Variants in DOCK10 observed in about 807,000 individuals in gnomAD.
DOCK10 encodes the protein dedicator of cytokinesis 10.
In DOCK10, 145 loss-of-function variants were observed where a neutral mutation model predicts 280.1. That is an observed-to-expected ratio of 0.52 (90% CI 0.45 to 0.59). The LOEUF is 0.59. Among genes scored for constraint, DOCK10 ranks in the 20% least tolerant of loss-of-function variants. The pLI is 0.00. For synonymous variants in DOCK10, 915 were observed against 942.2 expected (o/e 0.97, Z 0.53); for missense variants, 2,368 against 2,651.7 (o/e 0.89, Z 2.35).
chr2:224,952,440 A>G (rs1703789852), intron 1 of DOCK10, among the ~76,000 whole-genome samples: 1 of 152,186 alleles, frequency 6.6e-6, no homozygotes, highest in Admixed American at 6.5e-5. Flanking sequence ...GCAGTGAAAT[A>G]CAGGTGAGAA....
At chr2:224,771,146 C>A (rs1690416375) in intron 53 of DOCK10, among the ~76,000 whole-genome samples, 1 of 152,064 alleles carries the variant, frequency 6.6e-6, no homozygotes, top group Admixed American at 6.6e-5. Flanking sequence ...GGCGGTCTCA[C>A]TACATTGTCC....
chr2:225,007,552 G>C (rs1689309658), intron 1 of DOCK10, among the ~76,000 whole-genome samples: 1 of 152,192 alleles, frequency 6.6e-6, no homozygotes, highest in South Asian at 2.1e-4. Context: ...TGATTTAACA[G>C]TGCATTTGTG....
chr2:224,981,840 A>G (rs1705761651), intron 1 of DOCK10, among the ~76,000 whole-genome samples: 1 of 152,216 alleles, frequency 6.6e-6, no homozygotes, highest in Non-Finnish European at 1.5e-5. Flanking sequence ...ATTTTTAAAA[A>G]ACGCCCATTT....
At chr2:224,960,754 T>TC (rs1704320715) in intron 1 of DOCK10, among the ~76,000 whole-genome samples, 1 of 145,138 alleles carries the variant, frequency 6.9e-6, no homozygotes, top group Non-Finnish European at 1.5e-5. Flanking sequence ...TTTTTTTTTT[T>TC]TTTGAGATGG....
chr2:224,969,020 G>A (rs1704931310), intron 1 of DOCK10, among the ~76,000 whole-genome samples: 1 of 152,228 alleles, frequency 6.6e-6, no homozygotes, highest in Non-Finnish European at 1.5e-5. Context: ...GAGGGCTGCA[G>A]AGAGGCACAG....
chr2:224,957,698 C>T (rs913981932), intron 1 of DOCK10, among the ~76,000 whole-genome samples: 2 of 152,148 alleles, frequency 1.3e-5, no homozygotes, highest in African/African-American at 4.8e-5. Context: ...CTTGGAAGAA[C>T]CTCAGACCTA....
intron 45 of DOCK10, 79 bp from the exon 46 acceptor site, chr2:224,793,536 T>C (rs1333535686): frequency 3.8e-5 from 43 of 1,117,790 alleles, no homozygotes; most frequent in Non-Finnish European, 1.7e-5. Flanking sequence ...GGCGAGTCAG[T>C]ATTCCATATC....
rs1305763186 is a variant in DOCK10, at chr2:224,795,054, C to T, written c.4979G>A (p.Arg1660His). The change falls in exon 45 of 56, where the codon CGT becomes CAT. Residue 1660 changes from arginine (R) to histidine (H), a missense_variant. Physicochemically the swap from Arg to His is conservative, Grantham distance 29. Coordinates refer to ENST00000258390, the MANE Select transcript of DOCK10 (RefSeq NM_014689.3). ...FPAEVKDLTK[R>H]IRTVLMATAQ... ...TGTGGCCATCAAAACAGTCCTTATA[C>T]GCTTAGTCAGGTCCTTCACCTCTGC... 9 of 1,613,930 alleles carry T rather than the reference C, an allele frequency of 5.6e-6. No homozygotes were observed. Among genetic ancestry groups the T allele is most frequent in the South Asian group, 2.2e-5 (2 of 91,080 alleles).
At chr2:224,890,791 T>A (rs1699610354) in intron 4 of DOCK10, among the ~76,000 whole-genome samples, 1 of 152,180 alleles carries the variant, frequency 6.6e-6, no homozygotes, top group Non-Finnish European at 1.5e-5. Context: ...GGGGTGGTAG[T>A]TAACTCTTTG....
chr2:224,920,939 C>T (rs1041739795), intron 2 of DOCK10, among the ~76,000 whole-genome samples: 7 of 150,420 alleles, frequency 4.7e-5, no homozygotes, highest in African/African-American at 1.2e-4. Flanking sequence ...TGTCCCACTA[C>T]GATCACTGCT....
chr2:224,886,329 T>C (rs1699280166), intron 5 of DOCK10, 130 bp downstream of exon 5: 2 of 1,473,374 alleles, frequency 1.4e-6, no homozygotes, highest in Non-Finnish European at 1.9e-6. Context: ...TGACTCATTT[T>C]GACTAAAAGC....
intron 1 of DOCK10, among the ~76,000 whole-genome samples, chr2:224,988,268 T>C (rs1038166190): frequency 6.6e-6 from 1 of 152,106 alleles, no homozygotes; most frequent in Admixed American, 6.6e-5. Flanking sequence ...TACATCCTGA[T>C]TGATTTAGAT....
chr2:225,000,795 G>A (rs1223887303), intron 1 of DOCK10, among the ~76,000 whole-genome samples: 1 of 152,184 alleles, frequency 6.6e-6, no homozygotes, highest in Non-Finnish European at 1.5e-5. Flanking sequence ...GTCTGGCCTG[G>A]TGAAACCTCG....
chr2:225,035,572 A>ATATTTTATATATATATATATATATATAT (rs71062971), intron 1 of DOCK10, among the ~76,000 whole-genome samples: 1 of 69,956 alleles, frequency 1.4e-5, no homozygotes, highest in Non-Finnish European at 2.9e-5. Context: ...ATATATATAT[A>ATATTTTATATATATATATATATATATAT]TATATATATA....
intron 1 of DOCK10, among the ~76,000 whole-genome samples, chr2:224,945,287 C>G (rs1703336065): frequency 1.3e-5 from 2 of 152,132 alleles, no homozygotes; most frequent in Non-Finnish European, 2.9e-5. Context: ...TGACAAGGCT[C>G]TTTTGGAGTC....
intron 1 of DOCK10, among the ~76,000 whole-genome samples, chr2:224,997,800 G>C (rs1171206419): frequency 1.3e-5 from 2 of 152,164 alleles, no homozygotes; most frequent in East Asian, 1.9e-4. Flanking sequence ...AATTCAGAAA[G>C]AGAGCCGCTA....
chr2:224,795,797 A>T (rs1692526855), intron 44 of DOCK10, among the ~76,000 whole-genome samples: 1 of 152,142 alleles, frequency 6.6e-6, no homozygotes, highest in Non-Finnish European at 1.5e-5. Flanking sequence ...ACTACAGGAG[A>T]AGTCTTCAGA....
chr2:225,041,174 G>A (rs1265397072), intron 1 of DOCK10, among the ~76,000 whole-genome samples: 1 of 152,208 alleles, frequency 6.6e-6, no homozygotes. Flanking sequence ...GCTCTGGGAA[G>A]CTTTTGGCGC....
intron 55 of DOCK10, among the ~76,000 whole-genome samples, chr2:224,769,752 T>G (rs1690290007): frequency 6.6e-6 from 1 of 152,088 alleles, no homozygotes; most frequent in African/African-American, 2.4e-5. Context: ...AGGCCCAGCC[T>G]CCGTAAAGGC....
Sources: allele counts gnomAD v4.1 joint callset (sites outside exome capture counted in the v4.1 genomes callset), GRCh38; gene constraint gnomAD v4.1.1; transcripts MANE v1.5; gene names NCBI Gene and HGNC (gene_info 2026-07-23, HGNC 2026-07-21).